Variants in DOCK3 observed in about 807,000 individuals in gnomAD.
DOCK3 encodes the protein dedicator of cytokinesis protein 3.
In DOCK3, 60 loss-of-function variants were observed where a neutral mutation model predicts 265.6. That is an observed-to-expected ratio of 0.23 (90% CI 0.18 to 0.28). The LOEUF (loss-of-function observed/expected upper bound fraction) is 0.28. Ranked by LOEUF, DOCK3 falls within the 10% of genes least tolerant of loss-of-function variation. The probability of loss-of-function intolerance (pLI) is 1.00; values close to 1 mark genes in which losing one functional copy is unlikely to be tolerated. For missense variants in DOCK3, 1,981 were observed against 2,594.3 expected (o/e 0.76, Z 5.14); for synonymous variants, 881 against 938.0 (o/e 0.94, Z 1.11).
At chr3:50,987,686 G>A (rs189948639) in intron 5 of DOCK3, among the ~76,000 whole-genome samples, 2 of 152,272 alleles carry the variant, frequency 1.3e-5, no homozygotes, top group Non-Finnish European at 1.5e-5. Flanking sequence ...ACAATTTGAC[G>A]CATGGAGAAC....
chr3:50,912,960 G>T (rs1389382664), intron 4 of DOCK3, among the ~76,000 whole-genome samples: 4 of 152,016 alleles, frequency 2.6e-5, no homozygotes, highest in Non-Finnish European at 4.4e-5. Context: ...GACCAAGCTG[G>T]TTCCTAAGGT....
intron 49 of DOCK3, among the ~76,000 whole-genome samples, chr3:51,372,566 T>C (rs1225849483): frequency 6.6e-6 from 1 of 152,210 alleles, no homozygotes; most frequent in African/African-American, 2.4e-5. Context: ...TGTGGGGTTT[T>C]CTTTATGAGC....
At chr3:50,982,277 TAGAG>T (rs1342047163) in intron 5 of DOCK3, among the ~76,000 whole-genome samples, 13 of 152,340 alleles carry the variant, frequency 8.5e-5, no homozygotes, top group African/African-American at 3.1e-4. Flanking sequence ...AAGTTATTGA[TAGAG>T]AGGTCATATT....
chr3:51,148,869 A>G (rs2085430061), intron 10 of DOCK3, among the ~76,000 whole-genome samples: 2 of 152,150 alleles, frequency 1.3e-5, no homozygotes, highest in Admixed American at 1.3e-4. Flanking sequence ...GTTTTTTCCA[A>G]TTCTGTGAAG....
At position 51,383,910 on chromosome 3, in the gene DOCK3, C is replaced by T. The variant is rs2088820345; in HGVS notation, c.*2351C>T. 1 of 152,570 alleles carries T rather than the reference C, an allele frequency of 6.6e-6. No individual in the cohort carries two copies. The highest frequency in any genetic ancestry group is 2.4e-5 in the African/African-American group (1 of 41,422). The allele number at this position is 152,570 out of a possible 1,614,324, so 9.5% of individuals were successfully genotyped here. On this transcript the variant is annotated 3_prime_UTR_variant, in exon 53 of 53. Transcript: ENST00000266037. Reference sequence around the variant, plus strand: ...TGTTTTTAACCTCCCGCATTCTGTGCTTATTTAAAACAAGGAAACTTCTAA... The same window carrying T: ...TGTTTTTAACCTCCCGCATTCTGTGTTTATTTAAAACAAGGAAACTTCTAA...
chr3:51,323,729 G>C (rs1344744326), intron 32 of DOCK3, among the ~76,000 whole-genome samples: 1 of 152,004 alleles, frequency 6.6e-6, no homozygotes. Context: ...ACAAGATAAA[G>C]CTGGAAAGAT....
At chr3:51,273,513 T>C (rs556400415) in intron 24 of DOCK3, among the ~76,000 whole-genome samples, 1 of 152,266 alleles carries the variant, frequency 6.6e-6, no homozygotes, top group African/African-American at 2.4e-5. Context: ...CTAACCACTG[T>C]TTTTTTCTGT....
Position 51,382,721 on chromosome 3 carries a change from T to C in DOCK3, c.*1162T>C, listed in dbSNP as rs1211426958. ...CAAGTGGCCACATACAGCAACCCACTCCAGGCCATGGGGACCACCACTCAG... is the reference window on the plus strand; with the variant it reads ...CAAGTGGCCACATACAGCAACCCACCCCAGGCCATGGGGACCACCACTCAG... On this transcript the variant is annotated 3_prime_UTR_variant, in exon 53 of 53. Coordinates refer to ENST00000266037, the MANE Select transcript of DOCK3 (RefSeq NM_004947.5). The C allele has an allele frequency of 1.3e-5, 2 of 152,456 alleles. No individual in the cohort carries two copies. Among genetic ancestry groups the C allele is most frequent in the East Asian group, 3.9e-4 (2 of 5,170 alleles). The allele number at this position is 152,456 out of a possible 1,614,324, so 9.4% of individuals were successfully genotyped here. A position where few individuals can be genotyped will look rare whatever the true frequency, so the allele number is the denominator to read the frequency against.
rs930981492 is a variant in DOCK3, at chr3:50,897,227, A to G, written c.218+7146A>G. On this transcript the variant is annotated intron_variant, in intron 4 of 52. Coordinates refer to ENST00000266037, the MANE Select transcript of DOCK3 (RefSeq NM_004947.5). ...TCCCTTGTAAGTTGTATTCCTAGGT[A>G]TTTTATTCTCTTTGTAGCAATTTTG... Among the ~76,000 whole-genome samples the G allele has an allele frequency of 4.6e-5, 7 of 152,066 alleles. No individual in the cohort carries two copies. In the South Asian group the frequency reaches 1.5e-3, roughly 32 times the overall value.
At chr3:51,355,443 C>T (rs2086299086) in intron 41 of DOCK3, among the ~76,000 whole-genome samples, 1 of 152,154 alleles carries the variant, frequency 6.6e-6, no homozygotes, top group African/African-American at 2.4e-5. Context: ...TATTGTTGTC[C>T]CTTCTCTTCA....
intron 22 of DOCK3, among the ~76,000 whole-genome samples, chr3:51,259,415 A>G (rs925964459): frequency 1.4e-4 from 22 of 152,276 alleles, no homozygotes; most frequent in African/African-American, 4.1e-4. Flanking sequence ...ATTAGAAAAC[A>G]TAGTATTGGG....
At chr3:51,287,568 T>C (rs1287191202) in intron 27 of DOCK3, among the ~76,000 whole-genome samples, 4 of 151,626 alleles carry the variant, frequency 2.6e-5, no homozygotes, top group African/African-American at 7.3e-5. Flanking sequence ...AAAATTAAAA[T>C]TAAAAAATTA....
intron 4 of DOCK3, 27 bp downstream of exon 4, chr3:50,890,108 T>C (rs1255238572): frequency 1.4e-6 from 2 of 1,413,074 alleles, no homozygotes; most frequent in Non-Finnish European, 1.8e-6. Context: ...ACTAAATTTA[T>C]GTACAATTTT....
At chr3:50,818,801 G>T (rs577950283) in intron 2 of DOCK3, among the ~76,000 whole-genome samples, 7 of 152,304 alleles carry the variant, frequency 4.6e-5, no homozygotes, top group African/African-American at 1.4e-4. Flanking sequence ...TGTGGTGGCA[G>T]TCAGGTGTCC....
chr3:51,185,094 G>A (rs1576346702), intron 12 of DOCK3, among the ~76,000 whole-genome samples: 1 of 152,224 alleles, frequency 6.6e-6, no homozygotes, highest in East Asian at 1.9e-4. Context: ...AACCTAACGA[G>A]ACATGATACC....
chr3:50,878,045 C>A (rs1288290140), intron 3 of DOCK3, among the ~76,000 whole-genome samples: 1 of 152,186 alleles, frequency 6.6e-6, no homozygotes, highest in Non-Finnish European at 1.5e-5. Context: ...CTCCAACAGA[C>A]CTGCAGCTGA....
chr3:51,301,109 C>T (rs2082338056), intron 27 of DOCK3, among the ~76,000 whole-genome samples: 1 of 152,126 alleles, frequency 6.6e-6, no homozygotes, highest in Non-Finnish European at 1.5e-5. Flanking sequence ...AGGGATTCAA[C>T]TTCTTCCTGG....
chr3:50,958,702 C>T (rs971119252), intron 5 of DOCK3, among the ~76,000 whole-genome samples: 2 of 152,108 alleles, frequency 1.3e-5, no homozygotes, highest in Non-Finnish European at 2.9e-5. Context: ...CAAGGTTGCT[C>T]CACGTTGCTG....
intron 40 of DOCK3, among the ~76,000 whole-genome samples, chr3:51,353,639 C>T (rs1308067416): frequency 6.6e-6 from 1 of 152,120 alleles, no homozygotes; most frequent in South Asian, 2.1e-4. Context: ...AATACAGACA[C>T]ATGGCCCAGC....
Sources: gnomAD v4.1 joint callset for allele counts (sites outside exome capture counted in the v4.1 genomes callset) on GRCh38, gnomAD v4.1.1 for gene constraint, MANE v1.5 for transcripts, NCBI Gene and HGNC (gene_info 2026-07-23, HGNC 2026-07-21) for gene names.